The following AZIN2 variants were observed in gnomAD, a reference collection of about 807,000 sequenced individuals.
AZIN2 encodes antizyme inhibitor 2, also known as ODC antizyme inhibitor-2.
In AZIN2, 28 loss-of-function variants were observed where a neutral mutation model predicts 47.8. The ratio of observed to expected loss-of-function variants is 0.59; its 90% CI spans 0.43 to 0.80. The LOEUF is 0.80. Among genes scored for constraint, AZIN2 ranks in the 30% least tolerant of loss-of-function variants. AZIN2 has a pLI of 0.00. For missense variants in AZIN2, 535 were observed against 582.5 expected (o/e 0.92, Z 0.84); for synonymous variants, 221 against 239.4 (o/e 0.92, Z 0.71).
the AZIN2 span, among the ~76,000 whole-genome samples, chr1:33,162,430 C>T: frequency 6.6e-6 from 1 of 152,220 alleles, no homozygotes; most frequent in Admixed American, 6.5e-5. Flanking sequence ...AGCCTTTTGT[C>T]AACAGTCTTA....
intron 7 of AZIN2, 69 bp from the exon 8 acceptor site, chr1:33,094,479 C>G: frequency 6.6e-7 from 1 of 1,512,202 alleles, no homozygotes; most frequent in Non-Finnish European, 9.0e-7. Context: ...CAATGTCATT[C>G]TTGGCTGGGG....
chr1:33,162,926 T>C, the AZIN2 span: 1 of 152,226 alleles, frequency 6.6e-6, no homozygotes, highest in Admixed American at 6.5e-5. Flanking sequence ...GGACTTCAGG[T>C]TGGTCCCTCA....
chr1:33,089,656 C>T (rs992089898), intron 5 of AZIN2, among the ~76,000 whole-genome samples: 2 of 152,124 alleles, frequency 1.3e-5, no homozygotes, highest in African/African-American at 4.8e-5. Context: ...ACCTTTGTGT[C>T]CCATTCTGCT....
Position 33,122,360 on chromosome 1 carries a change from A to G in AZIN2, c.*2178A>G, listed in dbSNP as rs1269779940. On this transcript the variant is annotated 3_prime_UTR_variant, in exon 12 of 12. Coordinates refer to ENST00000294517, the MANE Select transcript of AZIN2 (RefSeq NM_052998.4). ...ATGGATTTCTCACTGGAGCCTTTCT[A>G]GTGTTTCATGTTCCATTTGCAGCAA... Among the ~76,000 whole-genome samples, 1 of 152,214 alleles carries G rather than the reference A, an allele frequency of 6.6e-6. No individual in the cohort carries two copies. The highest frequency in any genetic ancestry group is 1.5e-5 in the Non-Finnish European group (1 of 68,038).
the AZIN2 span, among the ~76,000 whole-genome samples, chr1:33,155,469 T>C: frequency 1.2e-4 from 18 of 152,204 alleles, no homozygotes; most frequent in Admixed American, 2.0e-4. Context: ...CTGTGTGACC[T>C]GAGGGAGTCA....
At chr1:33,087,264 G>T (rs1169656448) in intron 5 of AZIN2, among the ~76,000 whole-genome samples, 2 of 151,692 alleles carry the variant, frequency 1.3e-5, no homozygotes. Flanking sequence ...CTTCCGAGTA[G>T]CTGGGATTAC....
chr1:33,159,544 A>G, the AZIN2 span: 5 of 1,236,362 alleles, frequency 4.0e-6, no homozygotes, highest in South Asian at 1.6e-5. The surrounding 1 kb of genome is among the most constrained non-coding windows in gnomAD (Gnocchi z 4.2). Flanking sequence ...GCTCCTACCC[A>G]TAGCAGATGT....
At chr1:33,101,987 C>G (rs754417014) in intron 10 of AZIN2, 2 of 699,902 alleles carry the variant, frequency 2.9e-6, no homozygotes, top group African/African-American at 1.7e-5. Flanking sequence ...AATACTGCTG[C>G]TGTGAATTCT....
the AZIN2 span, among the ~76,000 whole-genome samples, chr1:33,148,544 A>T: frequency 6.6e-6 from 1 of 152,190 alleles, no homozygotes; most frequent in South Asian, 2.1e-4. Context: ...CTATGACGAG[A>T]GGACCTGGCT....
intron 5 of AZIN2, among the ~76,000 whole-genome samples, chr1:33,091,843 G>C (rs1442247968): frequency 6.6e-6 from 1 of 152,142 alleles, no homozygotes; most frequent in East Asian, 1.9e-4. Flanking sequence ...TGTACCACCC[G>C]CATGGCTGTA....
the AZIN2 span, among the ~76,000 whole-genome samples, chr1:33,129,985 G>T: frequency 6.6e-6 from 1 of 152,036 alleles, no homozygotes; most frequent in African/African-American, 2.4e-5. The surrounding 1 kb of genome is among the most constrained non-coding windows in gnomAD (Gnocchi z 4.1). Flanking sequence ...TCAGCCTCCC[G>T]AGTAGTTGGG....
At chr1:33,097,837 G>T (rs1643317825) in intron 9 of AZIN2, among the ~76,000 whole-genome samples, 1 of 152,156 alleles carries the variant, frequency 6.6e-6, no homozygotes, top group Non-Finnish European at 1.5e-5. Flanking sequence ...TGCAAGCAGG[G>T]GAGTGCATCC....
At chr1:33,160,474 G>A in the AZIN2 span, among the ~76,000 whole-genome samples, 1 of 152,106 alleles carries the variant, frequency 6.6e-6, no homozygotes, top group South Asian at 2.1e-4. Flanking sequence ...GCACGATCTC[G>A]GATCATTGCA....
intron 5 of AZIN2, 32 bp from the exon 6 acceptor site, chr1:33,092,018 G>A (rs780047683): frequency 1.9e-6 from 3 of 1,602,948 alleles, no homozygotes; most frequent in East Asian, 4.5e-5. Flanking sequence ...AGGCCCTGGT[G>A]CCTCCTTACA....
chr1:33,158,428 G>A, the AZIN2 span: 7 of 1,459,504 alleles, frequency 4.8e-6, no homozygotes, highest in Non-Finnish European at 6.7e-6. Flanking sequence ...CCAATGCCAG[G>A]GGCCCCGCAG....
intron 3 of AZIN2, 134 bp from the exon 4 acceptor site, chr1:33,082,044 C>T: frequency 1.7e-6 from 1 of 580,434 alleles, no homozygotes; most frequent in Non-Finnish European, 3.1e-6. Context: ...TGACTTTCTC[C>T]ACCCTTGCCC....
chr1:33,086,101 C>T (rs778956947), intron 5 of AZIN2, among the ~76,000 whole-genome samples: 1 of 152,126 alleles, frequency 6.6e-6, no homozygotes, highest in Non-Finnish European at 1.5e-5. Context: ...TTGATGACAG[C>T]GGGGACTGGA....
At chr1:33,110,575 T>A (rs990624675) in intron 10 of AZIN2, among the ~76,000 whole-genome samples, 1 of 151,924 alleles carries the variant, frequency 6.6e-6, no homozygotes, top group Non-Finnish European at 1.5e-5. Flanking sequence ...GAACTAGAAA[T>A]GAAAAATATG....
the AZIN2 span, among the ~76,000 whole-genome samples, chr1:33,140,966 C>T: frequency 7.1e-4 from 108 of 152,294 alleles, no homozygotes; most frequent in Non-Finnish European, 1.2e-3. This position sits in a 1 kb window ranked among gnomAD's most constrained non-coding sequence, Gnocchi z 4.0. Flanking sequence ...TGAAAAGAGC[C>T]GATGGCTGGG....
Sources: gnomAD v4.1 joint callset for allele counts (sites outside exome capture counted in the v4.1 genomes callset) on GRCh38, gnomAD v4.1.1 for gene constraint, Gnocchi (gnomAD v3.1) non-coding constraint, MANE v1.5 for transcripts, NCBI Gene and HGNC (gene_info 2026-07-23, HGNC 2026-07-21) for gene names.